The following SCAMP1 variants were observed in gnomAD, a reference collection of about 807,000 sequenced individuals.
The protein encoded by SCAMP1 is secretory carrier membrane protein 1, also known as secretory carrier-associated membrane protein 1.
A neutral mutation model predicts 41.8 loss-of-function variants in SCAMP1; 15 were observed. The observed-to-expected ratio is 0.36, with a 90% confidence interval of 0.24 to 0.55. SCAMP1 has a LOEUF of 0.55. Among genes scored for constraint, SCAMP1 ranks in the 20% least tolerant of loss-of-function variants. The pLI is 0.86. For synonymous variants in SCAMP1, 135 were observed against 136.8 expected (o/e 0.99, Z 0.09); for missense variants, 341 against 412.6 (o/e 0.83, Z 1.50).
chr5:78,365,640 T>C (rs1750777745), intron 1 of SCAMP1, among the ~76,000 whole-genome samples: 1 of 152,168 alleles, frequency 6.6e-6, no homozygotes, highest in Non-Finnish European at 1.5e-5. Context: ...GTGCTTTGCC[T>C]ACATCAACCT....
chr5:78,402,128 T>C (rs1751813947), intron 2 of SCAMP1, among the ~76,000 whole-genome samples: 1 of 152,108 alleles, frequency 6.6e-6, no homozygotes, highest in African/African-American at 2.4e-5. Flanking sequence ...TATTTTGGGA[T>C]GTTTCAGTTT....
intron 2 of SCAMP1, among the ~76,000 whole-genome samples, chr5:78,409,400 TAGAGAC>T (rs1166170959): frequency 1.5e-4 from 21 of 141,082 alleles, no homozygotes; most frequent in Non-Finnish European, 2.4e-4. Flanking sequence ...TATATATAGA[TAGAGAC>T]AGAGACACAT....
intron 7 of SCAMP1, among the ~76,000 whole-genome samples, chr5:78,456,182 AC>A (rs1753394430): frequency 8.1e-6 from 1 of 123,684 alleles, no homozygotes; most frequent in Non-Finnish European, 1.7e-5. Context: ...TAGTCCATTT[AC>A]ATTTAAAGTT....
intron 8 of SCAMP1, among the ~76,000 whole-genome samples, chr5:78,459,639 T>G (rs1031857614): frequency 1.3e-5 from 2 of 152,334 alleles, no homozygotes; most frequent in Non-Finnish European, 2.9e-5. Flanking sequence ...AAATTTGGAT[T>G]TTTAAATATA....
Position 78,435,395 on chromosome 5 carries a change from C to T in SCAMP1, c.632+13435C>T, listed in dbSNP as rs184758294. 7.9e-5 allele frequency among the ~76,000 whole-genome samples: 12 copies of T among 151,842 alleles called. No individual in the cohort carries two copies. The East Asian group carries it at 2.3e-3, about 29-fold the overall frequency. On this transcript the variant is annotated intron_variant, in intron 6 of 8. Transcript: ENST00000621999. ...TGCTATCCCTCCTCCAGCCCCCAAC[C>T]CCTCATTGTGTGATGTTCCCCGCCC...
intron 6 of SCAMP1, among the ~76,000 whole-genome samples, chr5:78,434,251 G>C (rs190240080): frequency 2.1e-4 from 32 of 152,282 alleles, no homozygotes; most frequent in Admixed American, 1.4e-3. Context: ...TGCATCACAA[G>C]CTTTAGCTGA....
At chr5:78,468,171 T>C (rs1183362605) in intron 8 of SCAMP1, among the ~76,000 whole-genome samples, 2 of 152,156 alleles carry the variant, frequency 1.3e-5, no homozygotes, top group East Asian at 3.8e-4. Flanking sequence ...CAGTATGAGA[T>C]TGTGCTGTTT....
chr5:78,367,335 A>C (rs1253194182), intron 1 of SCAMP1, among the ~76,000 whole-genome samples: 1 of 152,182 alleles, frequency 6.6e-6, no homozygotes, highest in Admixed American at 6.5e-5. Context: ...CGCTAGACTT[A>C]GCTGGGCAGG....
chr5:78,451,365 G>C (rs1466381625), intron 7 of SCAMP1, among the ~76,000 whole-genome samples: 1 of 152,090 alleles, frequency 6.6e-6, no homozygotes, highest in Non-Finnish European at 1.5e-5. Flanking sequence ...TAGAACTATA[G>C]TAAAATATAA....
intron 8 of SCAMP1, among the ~76,000 whole-genome samples, chr5:78,465,954 G>A (rs965907217): frequency 2.0e-5 from 3 of 152,226 alleles, no homozygotes; most frequent in African/African-American, 2.4e-5. Context: ...GAAGGCAGAT[G>A]CCGATTACAT....
chr5:78,398,762 C>T (rs1036314775), intron 2 of SCAMP1, among the ~76,000 whole-genome samples: 1 of 151,912 alleles, frequency 6.6e-6, no homozygotes, highest in Non-Finnish European at 1.5e-5. Flanking sequence ...CCAGGCTGGT[C>T]TCAAACTCCT....
intron 2 of SCAMP1, among the ~76,000 whole-genome samples, chr5:78,412,174 T>C (rs1158388137): frequency 6.6e-6 from 1 of 152,090 alleles, no homozygotes; most frequent in Non-Finnish European, 1.5e-5. Context: ...TTATTTAGAT[T>C]TTGCCATCTA....
intron 1 of SCAMP1, among the ~76,000 whole-genome samples, chr5:78,387,427 C>G (rs1053330316): frequency 6.7e-6 from 1 of 148,616 alleles, no homozygotes; most frequent in Non-Finnish European, 1.5e-5. Context: ...CCTTGATCGG[C>G]TTAAAAGTTG....
At chr5:78,412,143 A>G (rs1752093263) in intron 2 of SCAMP1, among the ~76,000 whole-genome samples, 1 of 151,938 alleles carries the variant, frequency 6.6e-6, no homozygotes, top group Non-Finnish European at 1.5e-5. Context: ...TGTATTAACT[A>G]ATTGTTGTAT....
At chr5:78,420,482 G>A (rs1752315203) in intron 5 of SCAMP1, among the ~76,000 whole-genome samples, 1 of 151,800 alleles carries the variant, frequency 6.6e-6, no homozygotes, top group Non-Finnish European at 1.5e-5. Context: ...GAGGCCAAGG[G>A]TTTTGAGTAA....
Position 78,460,795 on chromosome 5 carries a change from TCCTTCCTTCCTCC to T in SCAMP1, c.852+1435_852+1447del, listed in dbSNP as rs1279141897. ...TTCCTTCCTTCCTTCCTTCCTTCCT[TCCTTCCTTCCTCC>T]CTTCCTTCCTTCCTTTCTTGTCTTT... On this transcript the variant is annotated intron_variant, in intron 8 of 8. Coordinates refer to ENST00000621999, the MANE Select transcript of SCAMP1 (RefSeq NM_004866.6). 3.6e-3 allele frequency among the ~76,000 whole-genome samples: 164 copies of T among 46,088 alleles called. 11 individuals carry two copies. Among genetic ancestry groups the T allele is most frequent in the African/African-American group, 8.9e-3 (81 of 9,100 alleles). The allele number at this position is 46,088 out of a possible 152,430, so 30.2% of individuals were successfully genotyped here.
At position 78,478,879 on chromosome 5, in the gene SCAMP1, AC is replaced by A. The variant is rs1456913259; in HGVS notation, c.*3212del. On this transcript the variant is annotated 3_prime_UTR_variant, in exon 9 of 9. Coordinates refer to ENST00000621999, the MANE Select transcript of SCAMP1 (RefSeq NM_004866.6). ...TTTAAAAAAGCAAGTTTGGATTTTT[AC>A]ACCTAATTTACTAGGAAAATATTTT... The A allele has an allele frequency of 6.6e-6, 1 of 152,180 alleles. No individual in the cohort carries two copies. Among genetic ancestry groups the A allele is most frequent in the African/African-American group, 2.4e-5 (1 of 41,464 alleles). 9.4% of individuals were successfully genotyped at this position (152,180 alleles called of 1,614,324 possible). A position where few individuals can be genotyped will look rare whatever the true frequency, so the allele number is the denominator to read the frequency against.
intron 8 of SCAMP1, among the ~76,000 whole-genome samples, chr5:78,459,930 T>C (rs986053797): frequency 1.3e-5 from 2 of 152,042 alleles, no homozygotes; most frequent in Admixed American, 6.5e-5. Flanking sequence ...CCCTTTTGGG[T>C]CCCCGGTGTC....
At chr5:78,463,196 C>G (rs1753660730) in intron 8 of SCAMP1, among the ~76,000 whole-genome samples, 1 of 152,188 alleles carries the variant, frequency 6.6e-6, no homozygotes, top group Non-Finnish European at 1.5e-5. Flanking sequence ...TACTAAATCC[C>G]TTTTCCAGTT....
Sources: gnomAD v4.1 joint callset for allele counts (sites outside exome capture counted in the v4.1 genomes callset) on GRCh38, gnomAD v4.1.1 for gene constraint, MANE v1.5 for transcripts, NCBI Gene and HGNC (gene_info 2026-07-23, HGNC 2026-07-21) for gene names.